MUC5B: variants seen among roughly 807,000 people sequenced by gnomAD.
MUC5B encodes mucin-5B.
In MUC5B, 116 loss-of-function variants were observed where a neutral mutation model predicts 376.9. The ratio of observed to expected loss-of-function variants is 0.31; its 90% CI spans 0.26 to 0.36. MUC5B has a LOEUF of 0.36. MUC5B is among the 10% of genes least tolerant of loss of function. The probability of loss-of-function intolerance (pLI) is 1.00; values close to 1 mark genes in which losing one functional copy is unlikely to be tolerated. For synonymous variants in MUC5B, 3,517 were observed against 3,390.9 expected (o/e 1.04, Z -1.29); for missense variants, 7,165 against 7,769.9 (o/e 0.92, Z 2.93).
Position 1,241,983 on chromosome 11 carries a change from G to A in MUC5B, c.5103G>A (p.Gly1701=), listed in dbSNP as rs1213807157. The change falls in exon 31 of 49, where the codon GGG becomes GGA. Residue 1701 remains glycine, a synonymous_variant. Coordinates refer to ENST00000529681, the MANE Select transcript of MUC5B (RefSeq NM_002458.3). ...TTCCAACACGCTCAGCCCTTCCAGG[G>A]ACGACGGGGAGCTTGGGCACATGGC... ...STLPTRSALP[G]TTGSLGTWRP... is the part of the protein sequence containing the mutation. 1.3e-6 allele frequency: 2 copies of A among 1,593,430 alleles called. No homozygotes were observed. Among genetic ancestry groups the A allele is most frequent in the Non-Finnish European group, 1.7e-6 (2 of 1,170,708 alleles).
intron 13 of MUC5B, 71 bp from the exon 14 acceptor site, chr11:1,231,352 G>A: frequency 6.6e-7 from 1 of 1,509,246 alleles, no homozygotes; most frequent in Non-Finnish European, 8.9e-7. Flanking sequence ...CCCACTGGAT[G>A]CCCTGCCCCT....
chr11:1,224,000 G>C (rs981304056), intron 1 of MUC5B, among the ~76,000 whole-genome samples: 1 of 152,266 alleles, frequency 6.6e-6, no homozygotes, highest in Non-Finnish European at 1.5e-5. Context: ...AGGGAGGCTG[G>C]GTGGTCAGCA....
At chr11:1,256,854 G>A in intron 39 of MUC5B, 83 bp downstream of exon 39, 1 of 1,094,574 alleles carries the variant, frequency 9.1e-7, no homozygotes, top group South Asian at 1.6e-5. Flanking sequence ...CCAGGACCAT[G>A]ATGTGCTCTC....
Position 1,246,135 on chromosome 11 carries a change from C to T in MUC5B, c.9255C>T (p.Thr3085=). 1.2e-6 allele frequency: 2 copies of T among 1,613,152 alleles called. No individual in the cohort carries two copies. Among genetic ancestry groups the T allele is most frequent in the Non-Finnish European group, 1.7e-6 (2 of 1,179,572 alleles). ...CCGGGACCCTCCCAGAACAGACCAC[C>T]ACACCCATGGCCACCATGTCCACAA... The part of the protein sequence containing the change: ...GTTGTLPEQT[T]TPMATMSTIH... The change falls in exon 31 of 49, where the codon ACC becomes ACT. Residue 3085 remains threonine (T), a synonymous_variant. Coordinates refer to ENST00000529681, the MANE Select transcript of MUC5B (RefSeq NM_002458.3).
rs372360996 is a variant in MUC5B, at chr11:1,244,365, T to C, written c.7485T>C (p.His2495=). ...CCCAGGCAACTGCTGGCACCCCACA[T>C]GTGAGCACCACGGCCACGACACCCA... ...SSTQATAGTP[H]VSTTATTPTV... is the part of the protein sequence containing the mutation. The change falls in exon 31 of 49, where the codon CAT becomes CAC. Residue 2495 remains histidine, a synonymous_variant. Transcript: ENST00000529681. The C allele has an allele frequency of 1.3e-6, 2 of 1,592,550 alleles. No individual in the cohort carries two copies. Among genetic ancestry groups the C allele is most frequent in the Non-Finnish European group, 1.7e-6 (2 of 1,166,710 alleles).
rs770237122 is a variant in MUC5B at position 1,252,478 on chromosome 11, C to T, written c.14999C>T (p.Ser5000Leu). The T allele has an allele frequency of 2.0e-5, 31 of 1,589,658 alleles. No homozygotes were observed. Among genetic ancestry groups the T allele is most frequent in the Admixed American group, 3.6e-5 (2 of 55,972 alleles). Reference sequence around the variant, plus strand: ...CCAGTGTCCTCCGCCCCGCTGTCCTCGCCCTCCCCTGCCCCTGGCTGTGAC... The same window carrying T: ...CCAGTGTCCTCCGCCCCGCTGTCCTTGCCCTCCCCTGCCCCTGGCTGTGAC... ...PPPVSSAPLS[S>L]PSPAPGCDNA... Residue 5000 changes from serine (S) to leucine (L), a missense_variant, in exon 32 of 49, where the codon TCG becomes TTG. Physicochemically the swap from Ser to Leu is moderately radical, Grantham distance 145. Coordinates refer to ENST00000529681, the MANE Select transcript of MUC5B (RefSeq NM_002458.3).
At chr11:1,226,346 TA>T in intron 3 of MUC5B, 70 bp downstream of exon 3, 1 of 1,517,194 alleles carries the variant, frequency 6.6e-7, no homozygotes, top group Non-Finnish European at 8.9e-7. Flanking sequence ...GGCCCAGATC[TA>T]GGGGTGCAGC....
rs1414621881 is a variant in MUC5B at position 1,249,856 on chromosome 11, A to T, written c.12976A>T (p.Ile4326Phe). The T allele has an allele frequency of 1.9e-6, 3 of 1,612,788 alleles. No homozygotes were observed. Among genetic ancestry groups the T allele is most frequent in the Non-Finnish European group, 2.5e-6 (3 of 1,179,670 alleles). The change falls in exon 31 of 49, where the codon ATC becomes TTC. Residue 4326 changes from isoleucine (I) to phenylalanine (F), a missense_variant. Transcript: ENST00000529681. Reference protein sequence around the residue: ...TKSTATSVTPIPSSTLGTTGT... With the variant: ...TKSTATSVTPFPSSTLGTTGT... Reference sequence around the variant, plus strand: ...ATCCACAGCTACCAGCGTTACACCCATCCCCTCCTCCACCCTTGGGACCAC... The same window carrying T: ...ATCCACAGCTACCAGCGTTACACCCTTCCCCTCCTCCACCCTTGGGACCAC...
rs766932642 is a variant in MUC5B, at chr11:1,257,197, C to T, written c.16238-43C>T. ...CCATGGCCAGAGGCCCCTCCGCCTG[C>T]AAACTCAGCACCCTCCGTGATGCCA... On this transcript the variant is annotated intron_variant, in intron 39 of 48. Transcript: ENST00000529681. This position sits in a 1 kb window ranked among gnomAD's most constrained non-coding sequence, Gnocchi z 8.9. 1.3e-6 allele frequency: 1 copy of T among 779,548 alleles called. No individual in the cohort carries two copies. Among genetic ancestry groups the T allele is most frequent in the Non-Finnish European group, 2.4e-6 (1 of 417,890 alleles). The allele number at this position is 779,548 out of a possible 1,614,324, so 48.3% of individuals were successfully genotyped here. A position where few individuals can be genotyped will look rare whatever the true frequency, so the allele number is the denominator to read the frequency against.
chr11:1,247,431 G>A lies in MUC5B; in HGVS notation c.10551G>A (p.Arg3517=), dbSNP rs201084142. ...TGTCCAGCCCTCACCCTAGCAGCAG[G>A]ACCACCGAGTCACCCCCTTCTCCAG... ...PALSSPHPSS[R]TTESPPSPGT... Residue 3517 remains arginine (R), a synonymous_variant, in exon 31 of 49, where the codon AGG becomes AGA. Coordinates refer to ENST00000529681, the MANE Select transcript of MUC5B (RefSeq NM_002458.3). 58,398 of 1,593,602 alleles carry A rather than the reference G, an allele frequency of 0.037. 1,198 individuals are homozygous for A. Among genetic ancestry groups the A allele is most frequent in the African/African-American group, 0.097 (6,936 of 71,316 alleles).
At chr11:1,229,941 G>C in intron 10 of MUC5B, 64 bp from the exon 11 acceptor site, 1 of 1,556,430 alleles carries the variant, frequency 6.4e-7, no homozygotes, top group Non-Finnish European at 8.7e-7. Context: ...CTGCGGTGGG[G>C]GTGTGGAGGG....
At chr11:1,236,340 T>G (rs1862156001) in intron 23 of MUC5B, 46 bp from the exon 24 acceptor site, 1 of 1,565,412 alleles carries the variant, frequency 6.4e-7, no homozygotes, top group African/African-American at 1.4e-5. Flanking sequence ...GGCCCCTCCC[T>G]GGGGGCCACA....
rs1862530835 is a variant in MUC5B at position 1,247,629 on chromosome 11, C to T, written c.10749C>T (p.Tyr3583=). The change falls in exon 31 of 49, where the codon TAC becomes TAT. Residue 3583 remains tyrosine (Y), a synonymous_variant. Transcript: ENST00000529681. ...GTGCCTGGTCAGAGTGGCTGGACTA[C>T]AGCTACCCCATGCCGGGGCCCTCTG... ...PQCAWSEWLD[Y]SYPMPGPSGG... 6.2e-7 allele frequency: 1 copy of T among 1,609,532 alleles called. No homozygotes were observed. Among genetic ancestry groups the T allele is most frequent in the African/African-American group, 1.3e-5 (1 of 74,806 alleles).
At chr11:1,231,398 G>T in intron 13 of MUC5B, 25 bp from the exon 14 acceptor site, 4 of 1,594,592 alleles carry the variant, frequency 2.5e-6, no homozygotes, top group Non-Finnish European at 3.4e-6. Context: ...ACCCCTGACC[G>T]GCCTCTCCCC....
chr11:1,252,725 G>T (rs1234814072), intron 32 of MUC5B, 84 bp from the exon 33 acceptor site: 23 of 1,494,994 alleles, frequency 1.5e-5, no homozygotes, highest in Non-Finnish European at 1.8e-6. Flanking sequence ...GCCACCCGGG[G>T]CTTTGGGCCA....
intron 23 of MUC5B, among the ~76,000 whole-genome samples, chr11:1,235,721 C>T (rs997652067): frequency 4.6e-5 from 7 of 152,222 alleles, no homozygotes; most frequent in Non-Finnish European, 7.4e-5. Flanking sequence ...TGTGGCCTCC[C>T]GCTGTGTCTG....
intron 18 of MUC5B, 108 bp downstream of exon 18, chr11:1,233,376 C>G (rs1361963757): frequency 1.4e-5 from 18 of 1,267,310 alleles, no homozygotes; most frequent in Non-Finnish European, 9.5e-6. Flanking sequence ...ACATGAGGGG[C>G]CAGGCTGGGG....
chr11:1,229,171 C>T lies in MUC5B; in HGVS notation c.978C>T (p.Pro326=). ...CCAGCCCCACCTCCTTTTGCGCAGC[C>T]CGGACCTGCCCCCTCAACATGCAGC... The part of the protein sequence containing the change: ...PRNWRCPELC[P]RTCPLNMQHQ... The change falls in exon 9 of 49, where the codon CCC becomes CCT. Residue 326 remains proline, a splice_region_variant and synonymous_variant. Coordinates refer to ENST00000529681, the MANE Select transcript of MUC5B (RefSeq NM_002458.3). The T allele has an allele frequency of 6.3e-7, 1 of 1,590,946 alleles. No individual in the cohort carries two copies. Among genetic ancestry groups the T allele is most frequent in the Non-Finnish European group, 8.5e-7 (1 of 1,173,600 alleles).
Position 1,227,639 on chromosome 11 carries a change from C to T in MUC5B, c.668-36C>T, listed in dbSNP as rs949214607. 5 of 713,280 alleles carry T rather than the reference C, an allele frequency of 7.0e-6. No homozygotes were observed. The African/African-American group carries it at 8.7e-5, about 12-fold the overall frequency. 44.2% of individuals were successfully genotyped at this position (713,280 alleles called of 1,614,324 possible). ...GCCCATATCTTGTCCCCAGGAGCCC[C>T]TCAGAGCCACCACACCCCTGCTTTC... On this transcript the variant is annotated intron_variant, in intron 6 of 48. Coordinates refer to ENST00000529681, the MANE Select transcript of MUC5B (RefSeq NM_002458.3).
Sources: allele counts gnomAD v4.1 joint callset (sites outside exome capture counted in the v4.1 genomes callset), GRCh38; gene constraint gnomAD v4.1.1; non-coding constraint Gnocchi (gnomAD v3.1); transcripts MANE v1.5; gene names NCBI Gene and HGNC (gene_info 2026-07-23, HGNC 2026-07-21).